DERL1: variants seen among roughly 807,000 people sequenced by gnomAD.
The protein encoded by DERL1 is derlin-1.
In DERL1, 24 loss-of-function variants were observed where a neutral mutation model predicts 41.6. That is an observed-to-expected ratio of 0.58 (90% CI 0.42 to 0.81). DERL1 has a LOEUF of 0.81. Ranked by LOEUF, DERL1 falls within the 30% of genes least tolerant of loss-of-function variation. DERL1 has a pLI of 0.00. For synonymous variants in DERL1, 124 were observed against 112.5 expected (o/e 1.10, Z -0.65); for missense variants, 260 against 314.3 (o/e 0.83, Z 1.31).
chr8:123,041,296 A>G (rs1813058293), intron 1 of DERL1, among the ~76,000 whole-genome samples: 1 of 152,234 alleles, frequency 6.6e-6, no homozygotes, highest in African/African-American at 2.4e-5. Flanking sequence ...AATACAGATA[A>G]CCTTCAGAAA....
intron 1 of DERL1, among the ~76,000 whole-genome samples, chr8:123,032,605 T>C (rs1245643537): frequency 6.6e-6 from 1 of 152,244 alleles, no homozygotes; most frequent in African/African-American, 2.4e-5. Flanking sequence ...GCTCCAAGAA[T>C]GTAAGTGTTC....
intron 2 of DERL1, 26 bp from the exon 3 acceptor site, chr8:123,025,076 C>A: frequency 6.2e-7 from 1 of 1,609,348 alleles, no homozygotes; most frequent in South Asian, 1.1e-5. Context: ...AGCCAAATGT[C>A]ATGGTTCAGA....
chr8:123,021,601 A>G, intron 5 of DERL1, 102 bp from the exon 6 acceptor site: 1 of 1,042,910 alleles, frequency 9.6e-7, no homozygotes. Context: ...CAAGGGCTTT[A>G]TATAAATCCT....
chr8:123,028,363 A>T (rs1454178442), intron 2 of DERL1, among the ~76,000 whole-genome samples: 2 of 152,244 alleles, frequency 1.3e-5, no homozygotes, highest in African/African-American at 4.8e-5. Context: ...AAGTGAAAGA[A>T]GCCAGTCACC....
At chr8:123,023,981 A>G (rs1812625525) in intron 3 of DERL1, among the ~76,000 whole-genome samples, 1 of 152,238 alleles carries the variant, frequency 6.6e-6, no homozygotes, top group South Asian at 2.1e-4. Context: ...TTTAATTAAA[A>G]AAATTTTTAA....
At chr8:123,018,091 C>T (rs1814636197) in intron 7 of DERL1, 1 of 152,212 alleles carries the variant, frequency 6.6e-6, no homozygotes, top group South Asian at 2.1e-4. Flanking sequence ...GAGGCCTGCT[C>T]AAGTTTTACT....
intron 1 of DERL1, among the ~76,000 whole-genome samples, chr8:123,031,342 C>A (rs887266543): frequency 3.3e-5 from 5 of 152,050 alleles, no homozygotes; most frequent in African/African-American, 1.2e-4. Flanking sequence ...GTCAAAAGTT[C>A]AAGACCAGCC....
chr8:123,030,818 G>A (rs1812804893), intron 1 of DERL1, 102 bp from the exon 2 acceptor site: 1 of 775,894 alleles, frequency 1.3e-6, no homozygotes, highest in South Asian at 1.7e-5. Flanking sequence ...CTCAATGAGA[G>A]GTGTGAAAGT....
intron 1 of DERL1, among the ~76,000 whole-genome samples, chr8:123,037,802 C>T (rs1812959087): frequency 6.6e-6 from 1 of 152,126 alleles, no homozygotes; most frequent in Non-Finnish European, 1.5e-5. Context: ...AGTTCAGTGA[C>T]ATGACCTCAG....
chr8:123,041,041 G>A (rs1238452755), intron 1 of DERL1, among the ~76,000 whole-genome samples: 1 of 152,212 alleles, frequency 6.6e-6, no homozygotes, highest in African/African-American at 2.4e-5. Flanking sequence ...GAGGCTGAAT[G>A]AATGAGACCA....
At chr8:123,037,165 C>G (rs1302996061) in intron 1 of DERL1, among the ~76,000 whole-genome samples, 4 of 152,010 alleles carry the variant, frequency 2.6e-5, no homozygotes, top group African/African-American at 9.7e-5. Context: ...TTTCCCATAC[C>G]AACCACGTAG....
chr8:123,021,592 A>C, intron 5 of DERL1, 93 bp from the exon 6 acceptor site: 1 of 1,123,230 alleles, frequency 8.9e-7, no homozygotes, highest in Non-Finnish European at 1.3e-6. Context: ...ATACACTGAC[A>C]AGGGCTTTAT....
chr8:123,035,917 C>T (rs16897902), intron 1 of DERL1, among the ~76,000 whole-genome samples: 13,316 of 151,658 alleles, frequency 0.088, 664 homozygotes, highest in African/African-American at 0.14. Flanking sequence ...TCACTTGATT[C>T]GGACTTAAGT....
intron 1 of DERL1, 33 bp from the exon 2 acceptor site, chr8:123,030,749 T>C (rs1166161857): frequency 7.0e-7 from 1 of 1,430,672 alleles, no homozygotes; most frequent in African/African-American, 1.4e-5. Flanking sequence ...AGCTGTTAGT[T>C]TCTGTAAGCC....
rs752237026 is a variant in DERL1 at position 123,042,164 on chromosome 8, T to G, written c.-42A>C. 15 of 1,543,292 alleles carry G rather than the reference T, an allele frequency of 9.7e-6. 1 individual carries two copies. The South Asian group carries it at 1.2e-4, about 12-fold the overall frequency. ...GCCAAGATGCACAAGACCGCCCGAC[T>G]CCCCGTGCCGACCCCCTCACGACGC... On this transcript the variant is annotated 5_prime_UTR_variant, in exon 1 of 8. Transcript: ENST00000259512.
chr8:123,022,498 G>A (rs1812582529), intron 5 of DERL1, among the ~76,000 whole-genome samples, 186 bp downstream of exon 5: 1 of 152,106 alleles, frequency 6.6e-6, no homozygotes, highest in Non-Finnish European at 1.5e-5. Context: ...AGAAACAAAG[G>A]CCAGCAACGG....
At chr8:123,028,361 G>T (rs1294926222) in intron 2 of DERL1, among the ~76,000 whole-genome samples, 1 of 152,178 alleles carries the variant, frequency 6.6e-6, no homozygotes, top group Non-Finnish European at 1.5e-5. Context: ...CAAAGTGAAA[G>T]AAGCCAGTCA....
chr8:123,041,701 C>G (rs560861517), intron 1 of DERL1, among the ~76,000 whole-genome samples: 1 of 152,344 alleles, frequency 6.6e-6, no homozygotes, highest in African/African-American at 2.4e-5. Context: ...GCTTCCTTCA[C>G]TGAGTGCGAA....
chr8:123,027,244 A>G (rs1812717632), intron 2 of DERL1, among the ~76,000 whole-genome samples: 1 of 149,612 alleles, frequency 6.7e-6, no homozygotes, highest in Non-Finnish European at 1.5e-5. Context: ...CAAAGAGCCA[A>G]GACAGTGCCA....
Sources: allele counts gnomAD v4.1 joint callset (sites outside exome capture counted in the v4.1 genomes callset), GRCh38; gene constraint gnomAD v4.1.1; transcripts MANE v1.5; gene names NCBI Gene and HGNC (gene_info 2026-07-23, HGNC 2026-07-21).